USP37: variants seen among roughly 807,000 people sequenced by gnomAD.
USP37 encodes the protein ubiquitin carboxyl-terminal hydrolase 37.
A neutral mutation model predicts 124.0 loss-of-function variants in USP37; 27 were observed. The observed-to-expected ratio is 0.22, with a 90% CI of 0.16 to 0.30. The LOEUF (loss-of-function observed/expected upper bound fraction) is 0.30, where lower values mean the gene tolerates loss of function less well. Ranked by LOEUF, USP37 falls within the 10% of genes least tolerant of loss-of-function variation. USP37 has a pLI of 1.00. For synonymous variants in USP37, 365 were observed against 388.0 expected (o/e 0.94, Z 0.70); for missense variants, 889 against 1,140.4 (o/e 0.78, Z 3.17).
In USP37 at chr2:218,529,977, G is replaced by C. The variant is rs757554994; in HGVS notation, c.842C>G (p.Ser281Cys). The change falls in exon 10 of 26, where the codon TCT becomes TGT. Residue 281 changes from serine (S) to cysteine (C), a missense_variant. By Grantham distance (112) the Ser-to-Cys change is moderately radical (BLOSUM62 -1). Transcript: ENST00000258399. ...ATACCTGTCTAAGTTAGTGCCACCA[G>C]AAGAGTGTTCCTTGGATCCAGCTCT... ...GSRAGSKEHS[S>C]GGTNLDRTNV... The C allele has an allele frequency of 1.4e-5, 23 of 1,613,228 alleles. No individual in the cohort carries two copies. Among genetic ancestry groups the C allele is most frequent in the Non-Finnish European group, 1.7e-6 (2 of 1,179,802 alleles).
intron 16 of USP37, among the ~76,000 whole-genome samples, chr2:218,484,935 G>T (rs982401706): frequency 1.3e-5 from 2 of 152,080 alleles, no homozygotes; most frequent in African/African-American, 4.8e-5. Context: ...ATACAGAGCA[G>T]ATACAATATA....
chr2:218,452,804 T>C lies in USP37; in HGVS notation c.*2126A>G, dbSNP rs1689522263. 1 of 152,198 alleles carries C rather than the reference T, an allele frequency of 6.6e-6. No homozygotes were observed. Among genetic ancestry groups the C allele is most frequent in the African/African-American group, 2.4e-5 (1 of 41,436 alleles). 9.4% of individuals were successfully genotyped at this position (152,198 alleles called of 1,614,324 possible). A position where few individuals can be genotyped will look rare whatever the true frequency, so the allele number is the denominator to read the frequency against. On this transcript the variant is annotated 3_prime_UTR_variant, in exon 26 of 26. Transcript: ENST00000258399. ...GCACTTTAAATCTTTCCCAATAATTTTTAACAGTGCCTCTCAAATGCAAAG... is the reference window on the plus strand; with the variant it reads ...GCACTTTAAATCTTTCCCAATAATTCTTAACAGTGCCTCTCAAATGCAAAG...
At position 218,479,659 on chromosome 2, in the gene USP37, G is replaced by A; in HGVS notation, c.1892C>T (p.Thr631Ile). Residue 631 changes from threonine to isoleucine, a missense_variant, in exon 18 of 26, where the codon ACA becomes ATA. Around this residue, in one of 3 missense-constraint regions of USP37, gnomAD observed 504 missense variants for 714.3 expected, o/e 0.71. Coordinates refer to ENST00000258399, the MANE Select transcript of USP37 (RefSeq NM_020935.3). ...MVNSCITSPS[T>I]PSKKFTFKSK... ...AAGAAATATAACTCACTTTGAAGGTGTAGAAGGGCTGGTGATGCAGGAATT... is the reference window on the plus strand; with the variant it reads ...AAGAAATATAACTCACTTTGAAGGTATAGAAGGGCTGGTGATGCAGGAATT... 1 of 1,612,546 alleles carries A rather than the reference G, an allele frequency of 6.2e-7. No homozygotes were observed. Among genetic ancestry groups the A allele is most frequent in the South Asian group, 1.1e-5 (1 of 91,030 alleles).
chr2:218,485,408 C>G (rs1442010744), intron 16 of USP37, among the ~76,000 whole-genome samples: 1 of 152,132 alleles, frequency 6.6e-6, no homozygotes, highest in Non-Finnish European at 1.5e-5. Context: ...CCTACCTCAG[C>G]CTCCCAAAGT....
Position 218,518,777 on chromosome 2 carries a change from C to T in USP37, c.864-8637G>A, listed in dbSNP as rs1466311159. Reference sequence around the variant, plus strand: ...CCAAAAAGTGCTGCTACCTGTGCTACTAAAAACAAAGGTGATGTTGTATTT... The same window carrying T: ...CCAAAAAGTGCTGCTACCTGTGCTATTAAAAACAAAGGTGATGTTGTATTT... On this transcript the variant is annotated intron_variant, in intron 10 of 25. Transcript: ENST00000258399. Among the ~76,000 whole-genome samples, 4 of 152,294 alleles carry T rather than the reference C, an allele frequency of 2.6e-5. No individual in the cohort carries two copies. In the East Asian group the frequency reaches 7.7e-4, roughly 29 times the overall value.
intron 15 of USP37, 78 bp from the exon 16 acceptor site, chr2:218,485,821 T>C (rs748549284): frequency 1.6e-5 from 23 of 1,465,402 alleles, no homozygotes; most frequent in Non-Finnish European, 2.1e-5. Flanking sequence ...GCTCTAGTCT[T>C]ATTAGTTCCA....
Position 218,562,934 on chromosome 2 carries a change from C to T in USP37, c.-229-121G>A, listed in dbSNP as rs142101101. On this transcript the variant is annotated intron_variant, in intron 1 of 25. Transcript: ENST00000258399. ...ATCCCAGCACTTTGAGAGGTGGAGGCGGGCAGATAACCTGAGGTCAGGAGT... is the reference window on the plus strand; with the variant it reads ...ATCCCAGCACTTTGAGAGGTGGAGGTGGGCAGATAACCTGAGGTCAGGAGT... 3.1e-3 allele frequency: 1,176 copies of T among 374,916 alleles called. 13 individuals carry two copies. Among genetic ancestry groups the T allele is most frequent in the African/African-American group, 0.023 (1,099 of 48,082 alleles). The allele number at this position is 374,916 out of a possible 1,614,324, so 23.2% of individuals were successfully genotyped here. A position where few individuals can be genotyped will look rare whatever the true frequency, so the allele number is the denominator to read the frequency against.
At chr2:218,559,536 G>A (rs1411128140) in intron 3 of USP37, among the ~76,000 whole-genome samples, 3 of 152,096 alleles carry the variant, frequency 2.0e-5, no homozygotes, top group Non-Finnish European at 4.4e-5. Flanking sequence ...AATCTCTAGA[G>A]AAAACAAACA....
chr2:218,515,316 C>T (rs1348202432), intron 10 of USP37, among the ~76,000 whole-genome samples: 2 of 151,992 alleles, frequency 1.3e-5, no homozygotes, highest in Non-Finnish European at 2.9e-5. Flanking sequence ...GCTACAGTAA[C>T]CAAAACAGCA....
At chr2:218,543,856 G>A (rs1352307040) in intron 8 of USP37, among the ~76,000 whole-genome samples, 1 of 152,042 alleles carries the variant, frequency 6.6e-6, no homozygotes, top group Non-Finnish European at 1.5e-5. Context: ...AGCTCTCTGT[G>A]CCAAGAACCT....
chr2:218,567,558 AG>A (rs1693694121), intron 1 of USP37, among the ~76,000 whole-genome samples: 2 of 152,162 alleles, frequency 1.3e-5, no homozygotes, highest in Admixed American at 1.3e-4. Flanking sequence ...GACACTTGTC[AG>A]GAATTGCCAC....
intron 24 of USP37, 117 bp downstream of exon 24, chr2:218,456,975 A>AAAAAG (rs1335400375): frequency 1.1e-5 from 12 of 1,125,180 alleles, no homozygotes; most frequent in Admixed American, 5.5e-5. Context: ...ATCTCAAAAA[A>AAAAAG]AAAAAGAAAA....
At chr2:218,496,240 C>T (rs981435929) in intron 13 of USP37, among the ~76,000 whole-genome samples, 1 of 49,812 alleles carries the variant, frequency 2.0e-5, no homozygotes, top group Admixed American at 3.2e-4. Context: ...TTACAGTGAG[C>T]CAAGATCGCA....
chr2:218,534,710 T>C lies in USP37; in HGVS notation c.681-4A>G, dbSNP rs763528341. 5.7e-6 allele frequency: 9 copies of C among 1,579,388 alleles called. No homozygotes were observed. The highest frequency in any genetic ancestry group is 1.4e-5 in the African/African-American group (1 of 73,630). On this transcript the variant is annotated splice_polypyrimidine_tract_variant and splice_region_variant and intron_variant, in intron 8 of 25. Transcript: ENST00000258399. ...ATCTGTCATGGCCTTGTTGTTCCTA[T>C]AGTTAATAATTTTACATCAATATAG...
chr2:218,531,278 ATAC>A (rs1691305290), intron 9 of USP37, among the ~76,000 whole-genome samples: 1 of 152,206 alleles, frequency 6.6e-6, no homozygotes, highest in Non-Finnish European at 1.5e-5. Flanking sequence ...CATACTGAAG[ATAC>A]TAGGGCCCTT....
rs71064451 is a variant in USP37 at position 218,469,814 on chromosome 2, C to CTTT, written c.2300-3641_2300-3639dup. 3.5e-3 allele frequency among the ~76,000 whole-genome samples: 224 copies of CTTT among 64,390 alleles called. 1 individual carries two copies. The highest frequency in any genetic ancestry group is 6.4e-3 in the East Asian group (13 of 2,038). 42.2% of individuals were successfully genotyped at this position (64,390 alleles called of 152,430 possible). On this transcript the variant is annotated intron_variant, in intron 20 of 25. Transcript: ENST00000258399. ...GGATTCATGTGTTTAACTCAACATTCTTTTTTTTTTTTTTTTTTTTTTTTG... is the reference window on the plus strand; with the variant it reads ...GGATTCATGTGTTTAACTCAACATTCTTTTTTTTTTTTTTTTTTTTTTTTTTTG...
At chr2:218,537,179 C>T (rs527746621) in intron 8 of USP37, among the ~76,000 whole-genome samples, 1 of 152,274 alleles carries the variant, frequency 6.6e-6, no homozygotes, top group Non-Finnish European at 1.5e-5. Flanking sequence ...TCCCTATATT[C>T]AAGCTTCTAA....
chr2:218,453,109 AG>A lies in USP37; in HGVS notation c.*1820del, dbSNP rs985633622. On this transcript the variant is annotated 3_prime_UTR_variant, in exon 26 of 26. Coordinates refer to ENST00000258399, the MANE Select transcript of USP37 (RefSeq NM_020935.3). Reference sequence around the variant, plus strand: ...TATCAGTAGTTGAGCAAAACTGCTGAGGCCATTTATAATTCAAAGAATGAAA... The same window carrying A: ...TATCAGTAGTTGAGCAAAACTGCTGAGCCATTTATAATTCAAAGAATGAAA... 1.3e-5 allele frequency: 2 copies of A among 152,236 alleles called. No homozygotes were observed. Among genetic ancestry groups the A allele is most frequent in the Non-Finnish European group, 2.9e-5 (2 of 68,046 alleles). The allele number at this position is 152,236 out of a possible 1,614,324, so 9.4% of individuals were successfully genotyped here. A position where few individuals can be genotyped will look rare whatever the true frequency, so the allele number is the denominator to read the frequency against.
chr2:218,542,746 AAACTT>A (rs937593174), intron 8 of USP37, among the ~76,000 whole-genome samples: 3 of 152,300 alleles, frequency 2.0e-5, no homozygotes, highest in African/African-American at 4.8e-5. Flanking sequence ...TCATTCCTGA[AAACTT>A]AACTTAAAGC....
Sources: gnomAD v4.1 joint callset for allele counts (sites outside exome capture counted in the v4.1 genomes callset) on GRCh38, gnomAD v4.1.1 for gene constraint, gnomAD v4.1.1 regional missense constraint, MANE v1.5 for transcripts, NCBI Gene and HGNC (gene_info 2026-07-23, HGNC 2026-07-21) for gene names.